SH3D19: variants seen among roughly 807,000 people sequenced by gnomAD.
SH3D19 encodes the protein SH3 domain-containing protein 19.
Under a neutral mutation model 112.1 loss-of-function variants are expected in SH3D19, and 58 were observed. That is an observed-to-expected ratio of 0.52 (90% CI 0.42 to 0.64). SH3D19 has a LOEUF of 0.64. Ranked by LOEUF, SH3D19 falls within the 30% of genes least tolerant of loss-of-function variation. The probability of loss-of-function intolerance (pLI) is 0.00; values close to 1 mark genes in which losing one functional copy is unlikely to be tolerated. For missense variants in SH3D19, 1,090 were observed against 1,263.4 expected (o/e 0.86, Z 2.08); for synonymous variants, 391 against 448.5 (o/e 0.87, Z 1.62).
At chr4:151,159,461 C>T in intron 8 of SH3D19, 109 bp from the exon 9 acceptor site, 1 of 666,398 alleles carries the variant, frequency 1.5e-6, no homozygotes, top group Non-Finnish European at 2.5e-6. Flanking sequence ...AAAAGATACA[C>T]ACAAATAGTT....
At chr4:151,279,826 T>C (rs964175962) in intron 1 of SH3D19, 1 of 1,613,894 alleles carries the variant, frequency 6.2e-7, no homozygotes, top group South Asian at 1.1e-5. Flanking sequence ...TCCAGCCGCG[T>C]TGTAGGTGGC....
At chr4:151,246,266 G>A (rs1046779550) in intron 1 of SH3D19, among the ~76,000 whole-genome samples, 1 of 152,068 alleles carries the variant, frequency 6.6e-6, no homozygotes, top group Non-Finnish European at 1.5e-5. Flanking sequence ...TGAGTTTCAC[G>A]GATTTCAGGG....
At chr4:151,222,667 CTT>C (rs1554057762) in intron 2 of SH3D19, among the ~76,000 whole-genome samples, 3 of 87,236 alleles carry the variant, frequency 3.4e-5, no homozygotes, top group African/African-American at 1.3e-4. Context: ...CTCTCTCTCT[CTT>C]TTTTTTTTTT....
chr4:151,148,216 G>C (rs1754270885), intron 10 of SH3D19, 30 bp from the exon 11 acceptor site: 3 of 1,561,716 alleles, frequency 1.9e-6, no homozygotes, highest in Non-Finnish European at 1.7e-6. Flanking sequence ...CCATGAGTCA[G>C]TGTTTTGATC....
At chr4:151,148,829 T>A (rs1754413705) in intron 10 of SH3D19, among the ~76,000 whole-genome samples, 1 of 151,928 alleles carries the variant, frequency 6.6e-6, no homozygotes. Flanking sequence ...CATGAGGTCA[T>A]GAGATCGAGA....
intron 7 of SH3D19, among the ~76,000 whole-genome samples, chr4:151,166,650 C>G (rs2149809379): frequency 6.6e-6 from 1 of 152,272 alleles, no homozygotes; most frequent in Non-Finnish European, 1.5e-5. Flanking sequence ...TGTAATTCTG[C>G]ACCTGTTCTA....
chr4:151,236,246 C>T (rs932944419), intron 1 of SH3D19, among the ~76,000 whole-genome samples: 2 of 152,248 alleles, frequency 1.3e-5, no homozygotes, highest in African/African-American at 2.4e-5. Flanking sequence ...GAGGTGCAAG[C>T]GGGAGCCGGG....
chr4:151,256,734 GTTAA>G, intron 1 of SH3D19, among the ~76,000 whole-genome samples: 1 of 136,616 alleles, frequency 7.3e-6, no homozygotes, highest in Non-Finnish European at 1.6e-5. Flanking sequence ...AAAGCTTCAA[GTTAA>G]TTATTATTAT....
At chr4:151,247,733 G>A (rs1771043543) in intron 1 of SH3D19, among the ~76,000 whole-genome samples, 1 of 150,660 alleles carries the variant, frequency 6.6e-6, no homozygotes, top group South Asian at 2.1e-4. Flanking sequence ...AAACAGACAT[G>A]TTTATTTTAT....
At chr4:151,144,154 A>T in intron 11 of SH3D19, 104 bp from the exon 12 acceptor site, 6 of 1,593,096 alleles carry the variant, frequency 3.8e-6, no homozygotes, top group Non-Finnish European at 5.1e-6. Context: ...ATAATGTGTA[A>T]TGGTAGTAAC....
chr4:151,150,812 G>A (rs957688218), intron 9 of SH3D19, among the ~76,000 whole-genome samples: 1 of 152,042 alleles, frequency 6.6e-6, no homozygotes, highest in African/African-American at 2.4e-5. Flanking sequence ...ATTTAAACAG[G>A]TTTTCTGAAC....
At chr4:151,227,341 A>G (rs1165036534) in intron 1 of SH3D19, among the ~76,000 whole-genome samples, 2 of 152,240 alleles carry the variant, frequency 1.3e-5, no homozygotes, top group African/African-American at 4.8e-5. Context: ...AATGTTTTTC[A>G]AAGCCAAAGA....
chr4:151,201,499 G>A (rs1764381876), intron 2 of SH3D19, among the ~76,000 whole-genome samples: 1 of 152,180 alleles, frequency 6.6e-6, no homozygotes, highest in Non-Finnish European at 1.5e-5. Flanking sequence ...AAAACAAGAT[G>A]AGCCCCTCTA....
chr4:151,312,913 A>T (rs1231510729), intron 1 of SH3D19, among the ~76,000 whole-genome samples: 1 of 150,570 alleles, frequency 6.6e-6, no homozygotes. Context: ...AAAAAAAAAA[A>T]ATAAATAAAA....
At chr4:151,259,854 C>T (rs1032663258) in intron 1 of SH3D19, among the ~76,000 whole-genome samples, 2 of 152,102 alleles carry the variant, frequency 1.3e-5, no homozygotes, top group Admixed American at 1.3e-4. Context: ...AAATGACTAC[C>T]TAAAAATAGT....
At chr4:151,307,105 G>A (rs4696243) in intron 1 of SH3D19, among the ~76,000 whole-genome samples, 22,258 of 143,954 alleles carry the variant, frequency 0.15, 1,751 homozygotes, top group South Asian at 0.28. Context: ...TGCAAGCTCC[G>A]CCTCCCAGGT....
intron 13 of SH3D19, among the ~76,000 whole-genome samples, chr4:151,138,733 C>A (rs953030991): frequency 2.0e-4 from 29 of 147,858 alleles, no homozygotes; most frequent in Non-Finnish European, 3.4e-4. Context: ...CACACACACA[C>A]AAATTACTTT....
At chr4:151,236,305 T>C (rs529921668) in intron 1 of SH3D19, among the ~76,000 whole-genome samples, 1 of 152,270 alleles carries the variant, frequency 6.6e-6, no homozygotes, top group East Asian at 1.9e-4. Flanking sequence ...TGTGCGTGGG[T>C]TCCGCGGGCC....
intron 8 of SH3D19, among the ~76,000 whole-genome samples, chr4:151,162,150 GC>G (rs1415964034): frequency 9.5e-6 from 1 of 105,054 alleles, no homozygotes; most frequent in Non-Finnish European, 2.0e-5. Context: ...CCCTCCCCTT[GC>G]CCCCAACTCC....
Sources: allele counts gnomAD v4.1 joint callset (sites outside exome capture counted in the v4.1 genomes callset), GRCh38; gene constraint gnomAD v4.1.1; transcripts MANE v1.5; gene names NCBI Gene and HGNC (gene_info 2026-07-23, HGNC 2026-07-21).